RASSF9: variants seen among roughly 807,000 people sequenced by gnomAD.
RASSF9 encodes the protein Ras association domain family member 9.
RASSF9 carries 18 observed loss-of-function variants against 21.4 expected under a neutral mutation model. The ratio of observed to expected loss-of-function variants is 0.84; its 90% CI spans 0.58 to 1.25. RASSF9 has a LOEUF of 1.25. RASSF9 is among the 50% of genes most tolerant of loss of function. RASSF9 has a pLI of 0.00. For synonymous variants in RASSF9, 183 were observed against 179.1 expected, an observed-to-expected ratio of 1.02 and a Z score of -0.18; for missense variants, 480 against 503.2, an observed-to-expected ratio of 0.95 and a Z score of 0.44.
intron 1 of RASSF9, among the ~76,000 whole-genome samples, chr12:85,820,366 C>G (rs567350485): frequency 6.6e-6 from 1 of 152,194 alleles, no homozygotes; most frequent in African/African-American, 2.4e-5. Flanking sequence ...TTTGCCAACC[C>G]CTGGATGAAC....
At chr12:85,819,511 T>C (rs1031029008) in intron 1 of RASSF9, among the ~76,000 whole-genome samples, 2 of 152,238 alleles carry the variant, frequency 1.3e-5, no homozygotes, top group Non-Finnish European at 2.9e-5. Context: ...CTATGTGCTA[T>C]GCTCTAAGTG....
chr12:85,806,839 G>A (rs1368579609), intron 1 of RASSF9, among the ~76,000 whole-genome samples: 1 of 152,000 alleles, frequency 6.6e-6, no homozygotes, highest in South Asian at 2.1e-4. Context: ...CATAGGTAGC[G>A]ATAGTGAAAT....
intron 1 of RASSF9, among the ~76,000 whole-genome samples, chr12:85,822,447 T>A (rs960124652): frequency 6.6e-6 from 1 of 152,184 alleles, no homozygotes; most frequent in Admixed American, 6.5e-5. Flanking sequence ...TTCATCTGAA[T>A]AATCAACTAT....
intron 1 of RASSF9, among the ~76,000 whole-genome samples, chr12:85,811,803 C>G (rs1275864942): frequency 6.6e-6 from 1 of 151,656 alleles, no homozygotes; most frequent in Non-Finnish European, 1.5e-5. Context: ...AGGTAATTCA[C>G]CAGATGTCCA....
intron 1 of RASSF9, among the ~76,000 whole-genome samples, chr12:85,835,456 T>C (rs986424614): frequency 6.6e-6 from 1 of 152,182 alleles, no homozygotes; most frequent in African/African-American, 2.4e-5. Flanking sequence ...TATGGGCATT[T>C]CAAGCTTGAA....
At chr12:85,835,160 AATT>A (rs1349851707) in intron 1 of RASSF9, among the ~76,000 whole-genome samples, 1 of 152,122 alleles carries the variant, frequency 6.6e-6, no homozygotes, top group Admixed American at 6.6e-5. Flanking sequence ...ACTTTAAAAT[AATT>A]ATATCATTTC....
rs1880560335 is a variant in RASSF9, at chr12:85,836,208, T to G, written c.-7A>C. ...TTCTTCCAAAGGGAGCCATGGTCTG[T>G]CGGGCAAACGAATAAAGAAATTATC... On this transcript the variant is annotated 5_prime_UTR_variant, in exon 1 of 2. Transcript: ENST00000361228. The G allele has an allele frequency of 2.0e-6, 3 of 1,537,106 alleles. No homozygotes were observed. The highest frequency in any genetic ancestry group is 2.6e-6 in the Non-Finnish European group (3 of 1,144,830).
chr12:85,806,698 A>G (rs1027600379), intron 1 of RASSF9, among the ~76,000 whole-genome samples: 3 of 146,834 alleles, frequency 2.0e-5, no homozygotes, highest in African/African-American at 7.5e-5. Flanking sequence ...AAAAAAAAAA[A>G]AAAGTCAGAA....
intron 1 of RASSF9, among the ~76,000 whole-genome samples, chr12:85,807,081 G>C (rs1052701933): frequency 6.6e-6 from 1 of 152,140 alleles, no homozygotes; most frequent in Non-Finnish European, 1.5e-5. Context: ...CTGGAAGAAG[G>C]GCGGACTATT....
In RASSF9 at chr12:85,812,655, A is replaced by G. The variant is rs556194058; in HGVS notation, c.48-6693T>C. Among the ~76,000 whole-genome samples the G allele has an allele frequency of 2.4e-4, 36 of 151,550 alleles. No homozygotes were observed. In the South Asian group the frequency reaches 6.9e-3, roughly 29 times the overall value. ...ATATAGATGTCTGGCATATTTCTGC[A>G]AATAAAAATAAGAGTAATAGAACTG... On this transcript the variant is annotated intron_variant, in intron 1 of 1. Coordinates refer to ENST00000361228, the MANE Select transcript of RASSF9 (RefSeq NM_005447.4).
intron 1 of RASSF9, among the ~76,000 whole-genome samples, chr12:85,812,935 C>A (rs1367451760): frequency 1.3e-5 from 2 of 151,656 alleles, no homozygotes; most frequent in African/African-American, 4.8e-5. Context: ...TAACTCTTAA[C>A]CAAATAAGAG....
rs1264977537 is a variant in RASSF9, at chr12:85,804,571, C to T, written c.*131G>A. 7.6e-6 allele frequency: 7 copies of T among 918,014 alleles called. No homozygotes were observed. The highest frequency in any genetic ancestry group is 2.4e-4 in the Middle Eastern group (1 of 4,196). The allele number at this position is 918,014 out of a possible 1,614,324, so 56.9% of individuals were successfully genotyped here. On this transcript the variant is annotated 3_prime_UTR_variant, in exon 2 of 2. Transcript: ENST00000361228. Reference sequence around the variant, plus strand: ...TTCACATCAGAAACAACACATTTCTCGAGTTTTTATTAACTATTGAATACT... The same window carrying T: ...TTCACATCAGAAACAACACATTTCTTGAGTTTTTATTAACTATTGAATACT...
At chr12:85,832,626 T>C (rs898078820) in intron 1 of RASSF9, among the ~76,000 whole-genome samples, 3 of 151,966 alleles carry the variant, frequency 2.0e-5, no homozygotes, top group African/African-American at 7.2e-5. Flanking sequence ...TATTTACTAC[T>C]TTAGCTTTTA....
chr12:85,806,582 A>C (rs1450507482), intron 1 of RASSF9, among the ~76,000 whole-genome samples: 1 of 145,880 alleles, frequency 6.9e-6, no homozygotes, highest in African/African-American at 2.5e-5. Context: ...CTGAGGCAGG[A>C]GAATTGCTTT....
At chr12:85,825,921 G>A (rs1263429213) in intron 1 of RASSF9, among the ~76,000 whole-genome samples, 1 of 152,070 alleles carries the variant, frequency 6.6e-6, no homozygotes, top group Non-Finnish European at 1.5e-5. Flanking sequence ...GCCTGACTGT[G>A]ATTAATATAA....
chr12:85,804,713 A>G lies in RASSF9; in HGVS notation c.1297T>C (p.Leu433=). ...AGGAGCCATTGGAACTATGTTGACA[A>G]CAGCACCACATCTCCTACTGTTGTT... ...SETTVGDVVL[L]ST The change falls in exon 2 of 2, where the codon TTG becomes CTG. Residue 433 remains leucine, a synonymous_variant. Coordinates refer to ENST00000361228, the MANE Select transcript of RASSF9 (RefSeq NM_005447.4). 2 of 1,598,928 alleles carry G rather than the reference A, an allele frequency of 1.3e-6. No individual in the cohort carries two copies. Among genetic ancestry groups the G allele is most frequent in the Non-Finnish European group, 1.7e-6 (2 of 1,168,798 alleles).
chr12:85,802,895 T>A lies in RASSF9; in HGVS notation c.*1807A>T, dbSNP rs1879731652. On this transcript the variant is annotated 3_prime_UTR_variant, in exon 2 of 2. Transcript: ENST00000361228. Reference sequence around the variant, plus strand: ...TTCAATTTTATCTTTTTTAAAAAAATGTAACCGATGCCAGAATTATTACTC... The same window carrying A: ...TTCAATTTTATCTTTTTTAAAAAAAAGTAACCGATGCCAGAATTATTACTC... The A allele has an allele frequency of 6.6e-6, 1 of 152,126 alleles. No individual in the cohort carries two copies. The highest frequency in any genetic ancestry group is 2.1e-4 in the South Asian group (1 of 4,832). 9.4% of individuals were successfully genotyped at this position (152,126 alleles called of 1,614,324 possible).
chr12:85,816,232 T>A (rs897485414), intron 1 of RASSF9, among the ~76,000 whole-genome samples: 5 of 151,302 alleles, frequency 3.3e-5, no homozygotes, highest in African/African-American at 9.7e-5. Flanking sequence ...GGTGAAAGGA[T>A]AATCTGTATA....
Position 85,828,776 on chromosome 12 carries a change from G to A in RASSF9, c.47+7379C>T, listed in dbSNP as rs1260317849. Reference sequence around the variant, plus strand: ...ACTTTGTGGTCTACCTCTGTAATGTGCGTAGTTTCCTGCACTATTAACAAA... The same window carrying A: ...ACTTTGTGGTCTACCTCTGTAATGTACGTAGTTTCCTGCACTATTAACAAA... On this transcript the variant is annotated intron_variant, in intron 1 of 1. Coordinates refer to ENST00000361228, the MANE Select transcript of RASSF9 (RefSeq NM_005447.4). Among the ~76,000 whole-genome samples the A allele has an allele frequency of 2.6e-5, 4 of 152,076 alleles. No individual in the cohort carries two copies. In the East Asian group the frequency reaches 7.7e-4, roughly 29 times the overall value.
Sources: allele counts gnomAD v4.1 joint callset (sites outside exome capture counted in the v4.1 genomes callset), GRCh38; gene constraint gnomAD v4.1.1; transcripts MANE v1.5; gene names NCBI Gene and HGNC (gene_info 2026-07-23, HGNC 2026-07-21).